Variants in USP32 observed in about 807,000 individuals in gnomAD.
The protein encoded by USP32 is ubiquitin carboxyl-terminal hydrolase 32.
USP32 carries 59 observed loss-of-function variants against 204.8 expected under a neutral mutation model. That is an observed-to-expected ratio of 0.29 (90% CI 0.23 to 0.36). USP32 has a LOEUF of 0.36. USP32 is among the 10% of genes least tolerant of loss of function. The pLI, the probability that USP32 is intolerant of heterozygous loss-of-function variation, is 1.00. For synonymous variants in USP32, 517 were observed against 678.4 expected, an observed-to-expected ratio of 0.76 and a Z score of 3.70; for missense variants, 1,160 against 1,946.4, an observed-to-expected ratio of 0.60 and a Z score of 7.60.
At chr17:60,341,708 G>A (rs2088662220) in intron 2 of USP32, among the ~76,000 whole-genome samples, 1 of 152,072 alleles carries the variant, frequency 6.6e-6, no homozygotes, top group Non-Finnish European at 1.5e-5. Flanking sequence ...ATTGAAACTT[G>A]TGCATGCATC....
At chr17:60,200,719 T>A (rs2084655934) in intron 26 of USP32, among the ~76,000 whole-genome samples, 2 of 152,246 alleles carry the variant, frequency 1.3e-5, no homozygotes, top group Admixed American at 1.3e-4. Flanking sequence ...TAACTATTAT[T>A]CTAAATGTTA....
intron 5 of USP32, among the ~76,000 whole-genome samples, chr17:60,288,297 A>G (rs1472485206): frequency 2.0e-5 from 3 of 151,642 alleles, no homozygotes; most frequent in Admixed American, 1.3e-4. Flanking sequence ...AAAATTAGCC[A>G]GGCATGGTGG....
Position 60,411,324 on chromosome 17 carries a change from AAAATAAATAAAT to A in USP32, c.106+10910_106+10921del, listed in dbSNP as rs112375424. On this transcript the variant is annotated intron_variant, in intron 1 of 3. Transcript: ENST00000588898. ...GGGCAATAAAAGCAAAACTGTCTCA[AAAATAAATAAAT>A]AAATAAATAAATAAATAAATAAATA... 1.3e-3 allele frequency among the ~76,000 whole-genome samples: 181 copies of A among 138,590 alleles called. 1 individual carries two copies. In the Middle Eastern group the frequency reaches 0.029, roughly 22 times the overall value. The allele number at this position is 138,590 out of a possible 152,430, so 90.9% of individuals were successfully genotyped here.
intron 24 of USP32, 67 bp downstream of exon 24, chr17:60,207,992 T>C (rs1161379942): frequency 2.0e-6 from 3 of 1,509,556 alleles, no homozygotes; most frequent in African/African-American, 2.8e-5. Context: ...CAATTGATCA[T>C]AATAATTGAG....
intron 1 of USP32, among the ~76,000 whole-genome samples, chr17:60,383,366 T>C (rs2089679122): frequency 3.3e-5 from 5 of 152,100 alleles, no homozygotes; most frequent in Admixed American, 2.6e-4. Context: ...CTGACAAACA[T>C]GAAAGCTCTC....
chr17:60,345,454 A>G (rs2088762953), intron 2 of USP32, 27 bp downstream of exon 2: 1 of 1,610,870 alleles, frequency 6.2e-7, no homozygotes, highest in South Asian at 1.1e-5. Flanking sequence ...AACTACCTCA[A>G]AGGAAAACTT....
At chr17:60,291,571 G>A (rs1318924279) in intron 4 of USP32, among the ~76,000 whole-genome samples, 3 of 146,460 alleles carry the variant, frequency 2.0e-5, no homozygotes, top group Non-Finnish European at 4.5e-5. Flanking sequence ...GTGTGTGTGT[G>A]TATAAACACA....
intron 31 of USP32, among the ~76,000 whole-genome samples, chr17:60,182,324 C>T (rs1201020006): frequency 6.6e-6 from 1 of 152,118 alleles, no homozygotes; most frequent in Admixed American, 6.5e-5. Flanking sequence ...GAAATTAAAA[C>T]TAAGGAATGA....
chr17:60,419,824 ATTATTATTATTAT>A lies in USP32; in HGVS notation c.106+2409_106+2421del, dbSNP rs1185732776. 2.8e-4 allele frequency among the ~76,000 whole-genome samples: 15 copies of A among 53,626 alleles called. No individual in the cohort carries two copies. The African/African-American group carries it at 2.9e-3, about 10-fold the overall frequency. 35.2% of individuals were successfully genotyped at this position (53,626 alleles called of 152,430 possible). A position where few individuals can be genotyped will look rare whatever the true frequency, so the allele number is the denominator to read the frequency against. On this transcript the variant is annotated intron_variant, in intron 1 of 3. Coordinates refer to the USP32 transcript ENST00000588898. ...CAACTCAAGGTTAAAAAAAATTATT[ATTATTATTATTAT>A]TATTATTATTATTATTATTATTATT...
intron 1 of USP32, among the ~76,000 whole-genome samples, chr17:60,374,803 A>T (rs1313228277): frequency 6.6e-6 from 1 of 152,236 alleles, no homozygotes; most frequent in Non-Finnish European, 1.5e-5. Context: ...AGGCAATAGG[A>T]ATTTTTCAGC....
At chr17:60,278,427 G>A (rs1437246734) in intron 5 of USP32, among the ~76,000 whole-genome samples, 2 of 151,908 alleles carry the variant, frequency 1.3e-5, no homozygotes, top group Non-Finnish European at 2.9e-5. Flanking sequence ...TGGAGGTCTC[G>A]ATGTTTAAAG....
intron 1 of USP32, among the ~76,000 whole-genome samples, chr17:60,355,245 T>C (rs935560599): frequency 2.6e-5 from 4 of 152,200 alleles, no homozygotes; most frequent in African/African-American, 9.7e-5. Context: ...TCATCAATGA[T>C]GACAGGTCAG....
At chr17:60,284,266 T>G (rs8066117) in intron 5 of USP32, among the ~76,000 whole-genome samples, 18,031 of 148,400 alleles carry the variant, frequency 0.12, 2,226 homozygotes, top group African/African-American at 0.31. Flanking sequence ...CAGGCTGGAG[T>G]GTAGTGGCAT....
rs1378003364 is a variant in USP32, at chr17:60,392,071, A to G, written c.-132T>C. ...CGCCCCCACCTCCCCCCACACTAAC[A>G]AGTGCGGCTTCTGCCCCGGCGGCTC... On this transcript the variant is annotated 5_prime_UTR_variant, in exon 1 of 34. Transcript: ENST00000300896. The G allele has an allele frequency of 5.2e-6, 5 of 956,344 alleles. No homozygotes were observed. The Admixed American group carries it at 1.6e-4, about 32-fold the overall frequency. The allele number at this position is 956,344 out of a possible 1,614,324, so 59.2% of individuals were successfully genotyped here.
Position 60,324,427 on chromosome 17 carries a change from A to G in USP32, c.186+21054T>C, listed in dbSNP as rs74876569. Among the ~76,000 whole-genome samples, 323 of 152,216 alleles carry G rather than the reference A, an allele frequency of 2.1e-3. 1 individual carries two copies. Among genetic ancestry groups the G allele is most frequent in the African/African-American group, 7.4e-3 (309 of 41,564 alleles). ...AGTGTCTTCCACATGAGGCAGGAGA[A>G]GAAACCAATTCTTAAACCTCATTTC... is the stretch of plus-strand genomic sequence containing the variant. On this transcript the variant is annotated intron_variant, in intron 2 of 33. Coordinates refer to ENST00000300896, the MANE Select transcript of USP32 (RefSeq NM_032582.4).
At chr17:60,263,172 T>A (rs1435797728) in intron 9 of USP32, among the ~76,000 whole-genome samples, 2 of 152,124 alleles carry the variant, frequency 1.3e-5, no homozygotes, top group African/African-American at 2.4e-5. Context: ...GGTCGAGAGC[T>A]CCTGGGCTCA....
intron 28 of USP32, among the ~76,000 whole-genome samples, chr17:60,191,286 C>T (rs1433410832): frequency 2.0e-5 from 3 of 150,744 alleles, no homozygotes; most frequent in African/African-American, 7.3e-5. Flanking sequence ...CCTATAATCC[C>T]AGCTACTTGG....
At chr17:60,245,250 A>G (rs60568204) in intron 11 of USP32, 5,354 of 184,786 alleles carry the variant, frequency 0.029, 317 homozygotes, top group African/African-American at 0.12. Context: ...GGCAGTTTTT[A>G]TGGTTTTATT....
intron 1 of USP32, among the ~76,000 whole-genome samples, chr17:60,405,673 G>A (rs550353851): frequency 1.3e-5 from 2 of 152,134 alleles, no homozygotes; most frequent in Non-Finnish European, 2.9e-5. Context: ...AAGGTGGGAG[G>A]ATCACCTGAG....
Sources: allele counts gnomAD v4.1 joint callset (sites outside exome capture counted in the v4.1 genomes callset), GRCh38; gene constraint gnomAD v4.1.1; transcripts MANE v1.5; gene names NCBI Gene and HGNC (gene_info 2026-07-23, HGNC 2026-07-21).